SYTL5: variants seen among roughly 807,000 people sequenced by gnomAD.
The protein encoded by SYTL5 is synaptotagmin like 5.
SYTL5 carries 34 observed loss-of-function variants against 55.9 expected under a neutral mutation model. The ratio of observed to expected loss-of-function variants is 0.61; its 90% confidence interval spans 0.46 to 0.81. The LOEUF is 0.81. Among genes scored for constraint, SYTL5 ranks in the 30% least tolerant of loss-of-function variants. The pLI is 0.00. For missense variants in SYTL5, 637 were observed against 546.7 expected, an observed-to-expected ratio of 1.17 and a Z score of -1.65; for synonymous variants, 221 against 188.7, an observed-to-expected ratio of 1.17 and a Z score of -1.40.
chrX:37,975,853 T>C, the SYTL5 span, among the ~76,000 whole-genome samples: 1 of 111,918 alleles, frequency 8.9e-6, no homozygotes, highest in Admixed American at 9.5e-5. Flanking sequence ...AATCCTGTTG[T>C]TTTCAGGATT....
At chrX:38,014,553 C>T (rs932680115) in intron 1 of SYTL5, among the ~76,000 whole-genome samples, 16 of 111,851 alleles carry the variant, frequency 1.4e-4, no homozygotes, top group African/African-American at 5.2e-4. Flanking sequence ...GAGGTCCTGA[C>T]GACATGTGCC....
chrX:38,122,075 C>T lies in SYTL5; in HGVS notation c.1706-5C>T. 5 of 1,163,801 alleles carry T rather than the reference C, an allele frequency of 4.3e-6. No homozygotes were observed. Among genetic ancestry groups the T allele is most frequent in the Non-Finnish European group, 4.6e-6 (4 of 868,866 alleles). Reference sequence around the variant, plus strand: ...ACCATTCCCTCATTTTGGTGGCTGACACAGGAAATAAGACTTTTAAAAAGG... The same window carrying T: ...ACCATTCCCTCATTTTGGTGGCTGATACAGGAAATAAGACTTTTAAAAAGG... On this transcript the variant is annotated splice_region_variant and splice_polypyrimidine_tract_variant and intron_variant, in intron 14 of 16. Coordinates refer to ENST00000297875, the MANE Select transcript of SYTL5 (RefSeq NM_138780.3).
intron 1 of SYTL5, among the ~76,000 whole-genome samples, chrX:38,022,307 C>T (rs1208254218): frequency 8.9e-6 from 1 of 112,114 alleles, no homozygotes; most frequent in Non-Finnish European, 1.9e-5. Flanking sequence ...CTATGAGTTT[C>T]CAATTGCTGC....
chrX:37,958,953 G>C, the SYTL5 span, among the ~76,000 whole-genome samples: 7 of 112,261 alleles, frequency 6.2e-5, no homozygotes, highest in Non-Finnish European at 1.3e-4. Flanking sequence ...GGCGTGGGAG[G>C]GGGGGTTGGA....
At chrX:38,043,381 G>GTA (rs1377319548) in intron 2 of SYTL5, among the ~76,000 whole-genome samples, 5 of 104,104 alleles carry the variant, frequency 4.8e-5, no homozygotes, top group Non-Finnish European at 9.8e-5. Flanking sequence ...ACTTTTATGT[G>GTA]TATATATATA....
chrX:37,968,076 T>C, the SYTL5 span, among the ~76,000 whole-genome samples: 1 of 110,690 alleles, frequency 9.0e-6, no homozygotes, highest in Non-Finnish European at 1.9e-5. Flanking sequence ...TCCTTGAGCA[T>C]CTTTATGATG....
chrX:37,982,792 A>G, the SYTL5 span, among the ~76,000 whole-genome samples: 2 of 111,746 alleles, frequency 1.8e-5, no homozygotes, highest in Middle Eastern at 4.7e-3. Context: ...AACAAAAGCT[A>G]TAAGTATATG....
intron 6 of SYTL5, among the ~76,000 whole-genome samples, chrX:38,088,139 C>T (rs1936701491): frequency 9.0e-6 from 1 of 111,627 alleles, no homozygotes; most frequent in Non-Finnish European, 1.9e-5. Context: ...TTGGTGACTT[C>T]TCTGGTGCAC....
the SYTL5 span, among the ~76,000 whole-genome samples, chrX:37,987,293 A>G: frequency 4.4e-5 from 5 of 112,371 alleles, no homozygotes; most frequent in Non-Finnish European, 9.4e-5. Context: ...GCTACTATCT[A>G]GTGGATAGGG....
At chrX:37,907,886 A>T in the SYTL5 span, among the ~76,000 whole-genome samples, 1 of 111,651 alleles carries the variant, frequency 9.0e-6, no homozygotes, top group African/African-American at 3.2e-5. Flanking sequence ...TTTAATATTT[A>T]ATTTTTTATT....
At chrX:37,962,752 T>C in the SYTL5 span, among the ~76,000 whole-genome samples, 8 of 112,210 alleles carry the variant, frequency 7.1e-5, no homozygotes, top group Non-Finnish European at 3.8e-5. Flanking sequence ...CCTGACTTTT[T>C]AATGATCACC....
upstream of SYTL5, among the ~76,000 whole-genome samples, chrX:38,005,673 G>GA (rs1322619545): frequency 9.0e-6 from 1 of 110,781 alleles, no homozygotes; most frequent in Non-Finnish European, 1.9e-5. Flanking sequence ...CATCCAATCT[G>GA]AAAAAAATGG....
the SYTL5 span, among the ~76,000 whole-genome samples, chrX:37,898,139 C>T: frequency 5.4e-5 from 6 of 111,750 alleles, no homozygotes; most frequent in African/African-American, 2.0e-4. Context: ...CCTTCTTCCT[C>T]AGAGATAGTG....
At chrX:37,906,964 C>T in the SYTL5 span, among the ~76,000 whole-genome samples, 4 of 111,642 alleles carry the variant, frequency 3.6e-5, no homozygotes, top group African/African-American at 1.3e-4. Flanking sequence ...GTGGTGGTGG[C>T]GGGGAGATGT....
chrX:38,013,335 G>A (rs1473147172), intron 1 of SYTL5, among the ~76,000 whole-genome samples: 1 of 111,749 alleles, frequency 8.9e-6, no homozygotes, highest in Non-Finnish European at 1.9e-5. Flanking sequence ...ACTAAATATT[G>A]GCTCAACTCA....
intron 14 of SYTL5, among the ~76,000 whole-genome samples, chrX:38,121,853 C>A: frequency 8.9e-6 from 1 of 112,316 alleles, no homozygotes. Context: ...AAATTTATTT[C>A]TTCATTTGTT....
chrX:38,011,836 C>T (rs1934201189), intron 1 of SYTL5, among the ~76,000 whole-genome samples: 1 of 110,626 alleles, frequency 9.0e-6, no homozygotes, highest in African/African-American at 3.3e-5. Context: ...CCTATTTTAA[C>T]TACTTCTTGT....
At chrX:38,106,509 A>T (rs1347777971) in intron 10 of SYTL5, 84 bp from the exon 11 acceptor site, 4 of 862,643 alleles carry the variant, frequency 4.6e-6, no homozygotes, top group Non-Finnish European at 6.4e-6. Flanking sequence ...AAGAACAGGA[A>T]CTATAATTGA....
intron 3 of SYTL5, among the ~76,000 whole-genome samples, chrX:38,060,239 T>A (rs991467923): frequency 8.9e-6 from 1 of 111,954 alleles, no homozygotes; most frequent in Non-Finnish European, 1.9e-5. Flanking sequence ...AAGTCACTCA[T>A]ACCGCTCTCC....
Sources: allele counts gnomAD v4.1 joint callset (sites outside exome capture counted in the v4.1 genomes callset), GRCh38; gene constraint gnomAD v4.1.1; transcripts MANE v1.5; gene names NCBI Gene and HGNC (gene_info 2026-07-23, HGNC 2026-07-21).